Variants in DPYD observed in about 807,000 individuals in gnomAD.
DPYD encodes dihydropyrimidine dehydrogenase.
Under a neutral mutation model 116.2 loss-of-function variants are expected in DPYD, and 109 were observed. That is an observed-to-expected ratio of 0.94 (90% confidence interval 0.80 to 1.10). The LOEUF (loss-of-function observed/expected upper bound fraction) is 1.10. Among genes scored for constraint, DPYD ranks in the 50% least tolerant of loss-of-function variants. The pLI, the probability that DPYD is intolerant of heterozygous loss-of-function variation, is 0.00. For synonymous variants in DPYD, 440 were observed against 432.0 expected, an observed-to-expected ratio of 1.02 and a Z score of -0.23; for missense variants, 1,302 against 1,254.5, an observed-to-expected ratio of 1.04 and a Z score of -0.57.
At chr1:97,425,545 C>G (rs1674817675) in intron 14 of DPYD, among the ~76,000 whole-genome samples, 1 of 152,142 alleles carries the variant, frequency 6.6e-6, no homozygotes, top group Middle Eastern at 3.4e-3. Flanking sequence ...TGACCCAGCA[C>G]TTCATTACTC....
chr1:97,188,185 C>G (rs1320314693), intron 20 of DPYD, among the ~76,000 whole-genome samples: 1 of 152,052 alleles, frequency 6.6e-6, no homozygotes, highest in East Asian at 1.9e-4. Context: ...GCTGTACAAC[C>G]ACCATGACAG....
chr1:97,441,904 C>G (rs114749717), intron 14 of DPYD, among the ~76,000 whole-genome samples: 1 of 152,124 alleles, frequency 6.6e-6, no homozygotes, highest in African/African-American at 2.4e-5. Flanking sequence ...CAGTGCTCAG[C>G]CTGGGGCTAA....
chr1:97,542,371 T>G (rs1178894983), intron 12 of DPYD, among the ~76,000 whole-genome samples: 1 of 152,140 alleles, frequency 6.6e-6, no homozygotes, highest in African/African-American at 2.4e-5. Flanking sequence ...AAGGTTTTAT[T>G]GTTTGATTAG....
intron 8 of DPYD, among the ~76,000 whole-genome samples, chr1:97,648,374 C>T (rs1028791798): frequency 6.6e-6 from 1 of 151,930 alleles, no homozygotes; most frequent in Non-Finnish European, 1.5e-5. Context: ...GACCGTGTTA[C>T]TTACAGGCAA....
At chr1:97,532,506 C>T (rs143317384) in intron 12 of DPYD, among the ~76,000 whole-genome samples, 2,092 of 152,204 alleles carry the variant, frequency 0.014, 33 homozygotes, top group Middle Eastern at 0.027. Context: ...GCCACCTGGT[C>T]GTAGGCTTTC....
Position 97,106,241 on chromosome 1 carries a change from T to C in DPYD, c.2623-7609A>G, listed in dbSNP as rs149564402. On this transcript the variant is annotated intron_variant, in intron 20 of 22. Transcript: ENST00000370192. ...TTTTCAAAGCTGTTATAGTAGAAAA[T>C]TAAAAAAGGGTTCTATGGTGTAACG... Among the ~76,000 whole-genome samples the C allele has an allele frequency of 5.4e-3, 821 of 152,094 alleles. 8 individuals are homozygous for C. Among genetic ancestry groups the C allele is most frequent in the Non-Finnish European group, 7.7e-3 (523 of 67,960 alleles).
At chr1:97,308,583 T>A (rs745737784) in intron 16 of DPYD, among the ~76,000 whole-genome samples, 3 of 151,848 alleles carry the variant, frequency 2.0e-5, no homozygotes, top group Non-Finnish European at 4.4e-5. Flanking sequence ...AATAACATCA[T>A]GAAATGAATC....
rs182328070 is a variant in DPYD at position 97,697,485 on chromosome 1, T to C, written c.680+1866A>G. 7.2e-5 allele frequency among the ~76,000 whole-genome samples: 11 copies of C among 152,242 alleles called. No homozygotes were observed. In the East Asian group the frequency reaches 2.1e-3, roughly 29 times the overall value. ...AAAGTTTTGTGGCTATAATTCCGGCTAAATTCCAGCATCAGTTTTTATAAT... is the reference window on the plus strand; with the variant it reads ...AAAGTTTTGTGGCTATAATTCCGGCCAAATTCCAGCATCAGTTTTTATAAT... On this transcript the variant is annotated intron_variant, in intron 6 of 22. Coordinates refer to ENST00000370192, the MANE Select transcript of DPYD (RefSeq NM_000110.4).
chr1:97,655,646 G>C (rs1221457326), intron 8 of DPYD, among the ~76,000 whole-genome samples: 1 of 152,192 alleles, frequency 6.6e-6, no homozygotes, highest in Non-Finnish European at 1.5e-5. Context: ...CTTAAAAACA[G>C]TCTTTTTATA....
intron 4 of DPYD, among the ~76,000 whole-genome samples, chr1:97,736,838 GTGTGTGTGCATT>G (rs1663973114): frequency 7.0e-6 from 1 of 142,118 alleles, no homozygotes; most frequent in African/African-American, 2.7e-5. Flanking sequence ...GTGGGGGTGT[GTGTGTGTGCATT>G]TGTGTGTGTG....
intron 3 of DPYD, among the ~76,000 whole-genome samples, chr1:97,794,772 T>C (rs540576616): frequency 2.3e-4 from 35 of 152,350 alleles, no homozygotes; most frequent in Non-Finnish European, 3.5e-4. Flanking sequence ...TGGGAAGCCA[T>C]GCTTCACTTA....
chr1:97,697,418 A>G (rs986001393), intron 6 of DPYD, among the ~76,000 whole-genome samples: 1 of 152,138 alleles, frequency 6.6e-6, no homozygotes, highest in African/African-American at 2.4e-5. Context: ...TCAAGATACA[A>G]GAGAATGAGA....
chr1:97,440,821 C>G (rs1570737917), intron 14 of DPYD, among the ~76,000 whole-genome samples: 1 of 152,144 alleles, frequency 6.6e-6, no homozygotes, highest in South Asian at 2.1e-4. Flanking sequence ...TTGTGTAGAA[C>G]CACAGTTTGA....
intron 8 of DPYD, among the ~76,000 whole-genome samples, chr1:97,644,733 C>A (rs1251658795): frequency 1.3e-5 from 2 of 151,826 alleles, no homozygotes; most frequent in Non-Finnish European, 2.9e-5. Context: ...GCTGGGATTA[C>A]AGGCATGAGC....
chr1:97,613,325 T>C (rs1656063375), intron 8 of DPYD, among the ~76,000 whole-genome samples: 1 of 152,070 alleles, frequency 6.6e-6, no homozygotes, highest in South Asian at 2.1e-4. Context: ...ATATTTCCTT[T>C]ATCACACTCT....
intron 8 of DPYD, among the ~76,000 whole-genome samples, chr1:97,628,803 T>C (rs751496861): frequency 6.6e-6 from 1 of 152,116 alleles, no homozygotes; most frequent in African/African-American, 2.4e-5. Flanking sequence ...GTACTAGTAA[T>C]ATGCATGTAT....
chr1:97,810,773 G>A (rs951297744), intron 3 of DPYD, among the ~76,000 whole-genome samples: 1 of 151,932 alleles, frequency 6.6e-6, no homozygotes, highest in African/African-American at 2.4e-5. Context: ...TACAATTATG[G>A]TGATATATCT....
chr1:97,606,124 G>T (rs1655579355), intron 8 of DPYD, among the ~76,000 whole-genome samples: 1 of 151,954 alleles, frequency 6.6e-6, no homozygotes, highest in Admixed American at 6.6e-5. Context: ...AAACCAGCTT[G>T]ATGTTTTAAG....
chr1:97,246,160 A>G (rs1347547829), intron 18 of DPYD, among the ~76,000 whole-genome samples: 5 of 152,170 alleles, frequency 3.3e-5, no homozygotes, highest in South Asian at 2.1e-4. Context: ...TAGTTGCTCT[A>G]TCAATTAGTT....
Sources: allele counts gnomAD v4.1 joint callset (sites outside exome capture counted in the v4.1 genomes callset), GRCh38; gene constraint gnomAD v4.1.1; transcripts MANE v1.5; gene names NCBI Gene and HGNC (gene_info 2026-07-23, HGNC 2026-07-21).